The following METTL24 variants were observed in gnomAD, a reference collection of about 807,000 sequenced individuals.
The protein encoded by METTL24 is methyltransferase like 24, also known as probable methyltransferase-like protein 24.
METTL24 carries 29 observed loss-of-function variants against 32.7 expected under a neutral mutation model. The ratio of observed to expected loss-of-function variants is 0.89; its 90% CI spans 0.66 to 1.21. The LOEUF (loss-of-function observed/expected upper bound fraction) is 1.21. Among genes scored for constraint, METTL24 ranks in the 50% most tolerant of loss-of-function variants. The probability of loss-of-function intolerance (pLI) is 0.00; values close to 1 mark genes in which losing one functional copy is unlikely to be tolerated. For synonymous variants in METTL24, 163 were observed against 179.5 expected (o/e 0.91, Z 0.73); for missense variants, 439 against 468.1 (o/e 0.94, Z 0.57).
intron 4 of METTL24, among the ~76,000 whole-genome samples, chr6:110,283,065 CT>C: frequency 6.6e-6 from 1 of 152,106 alleles, no homozygotes; most frequent in East Asian, 1.9e-4. Context: ...TAAAATGCTA[CT>C]GATTTAAGCC....
At chr6:110,267,980 C>T (rs1350336673) in intron 4 of METTL24, among the ~76,000 whole-genome samples, 1 of 152,110 alleles carries the variant, frequency 6.6e-6, no homozygotes, top group African/African-American at 2.4e-5. Context: ...ATGAGGCATC[C>T]ACCCCCATGA....
At chr6:110,319,015 T>G (rs1335113347) in intron 2 of METTL24, among the ~76,000 whole-genome samples, 2 of 152,242 alleles carry the variant, frequency 1.3e-5, no homozygotes, top group East Asian at 3.8e-4. Context: ...TGAAATTTTT[T>G]TAATTATTTA....
Position 110,358,109 on chromosome 6 carries a change from C to A in METTL24, c.164G>T (p.Gly55Val), listed in dbSNP as rs1772736612. ...GCCCGGCGCGGGCGGCAGGTGCGGC[C>A]CAGGTGGCCGCCAGGCCGGGCCCGG... Reference protein sequence around the residue: ...APPGPAWRPPGPHLPPAPGQP... With the variant: ...APPGPAWRPPVPHLPPAPGQP... Residue 55 changes from glycine (G) to valine (V), a missense_variant, in exon 1 of 5, where the codon GGG becomes GTG. Coordinates refer to ENST00000338882, the MANE Select transcript of METTL24 (RefSeq NM_001123364.3). 9.7e-7 allele frequency: 1 copy of A among 1,029,638 alleles called. No homozygotes were observed. Among genetic ancestry groups the A allele is most frequent in the Non-Finnish European group, 1.2e-6 (1 of 860,224 alleles). The allele number at this position is 1,029,638 out of a possible 1,614,324, so 63.8% of individuals were successfully genotyped here. A position where few individuals can be genotyped will look rare whatever the true frequency, so the allele number is the denominator to read the frequency against.
chr6:110,297,540 A>G lies in METTL24; in HGVS notation c.786+1382T>C, dbSNP rs1417929941. On this transcript the variant is annotated intron_variant, in intron 4 of 4. Transcript: ENST00000338882. ...ACAGCAAGACTCCTAACTGAACACAAAGAATAAGTAGTTAACTCTTTGAAT... is the reference window on the plus strand; with the variant it reads ...ACAGCAAGACTCCTAACTGAACACAGAGAATAAGTAGTTAACTCTTTGAAT... 2.0e-5 allele frequency among the ~76,000 whole-genome samples: 3 copies of G among 152,172 alleles called. 1 individual carries two copies. Among genetic ancestry groups the G allele is most frequent in the African/African-American group, 7.2e-5 (3 of 41,432 alleles).
intron 3 of METTL24, among the ~76,000 whole-genome samples, chr6:110,302,502 T>C (rs202106897): frequency 1.3e-5 from 1 of 77,206 alleles, no homozygotes; most frequent in South Asian, 4.0e-4. Context: ...TGTGTATATA[T>C]ACACATATAC....
chr6:110,252,001 G>A (rs753158388), intron 4 of METTL24, among the ~76,000 whole-genome samples: 10 of 152,026 alleles, frequency 6.6e-5, no homozygotes, highest in Admixed American at 2.0e-4. Context: ...AAAATTAGCC[G>A]GGTGAGGTGG....
intron 4 of METTL24, among the ~76,000 whole-genome samples, chr6:110,271,579 T>A (rs1177183083): frequency 6.6e-6 from 1 of 152,186 alleles, no homozygotes; most frequent in African/African-American, 2.4e-5. Flanking sequence ...CACCCACACA[T>A]ACATTTGAAC....
chr6:110,339,699 GATGGTCT>G (rs1772314152), intron 1 of METTL24, among the ~76,000 whole-genome samples: 1 of 152,210 alleles, frequency 6.6e-6, no homozygotes, highest in Non-Finnish European at 1.5e-5. Context: ...AGTTAAAATA[GATGGTCT>G]ATGTATATGT....
chr6:110,264,342 A>G (rs1770812965), intron 4 of METTL24, among the ~76,000 whole-genome samples: 1 of 152,232 alleles, frequency 6.6e-6, no homozygotes, highest in Non-Finnish European at 1.5e-5. Flanking sequence ...AAAAGAAGAC[A>G]TTTATGCAGC....
intron 4 of METTL24, among the ~76,000 whole-genome samples, chr6:110,274,759 T>TAC (rs1360827621): frequency 6.6e-6 from 1 of 150,636 alleles, no homozygotes; most frequent in Non-Finnish European, 1.5e-5. Flanking sequence ...ACCCACATTT[T>TAC]ACATTTTGGT....
intron 4 of METTL24, among the ~76,000 whole-genome samples, chr6:110,275,120 A>T (rs1296166272): frequency 6.6e-6 from 1 of 151,202 alleles, no homozygotes; most frequent in Non-Finnish European, 1.5e-5. Flanking sequence ...ATTTTTAATG[A>T]CCTATGTCTA....
chr6:110,256,267 T>G (rs535091280), intron 4 of METTL24, among the ~76,000 whole-genome samples: 7 of 152,310 alleles, frequency 4.6e-5, no homozygotes, highest in African/African-American at 1.7e-4. Flanking sequence ...CACCTCAGAC[T>G]TTAGTATCAC....
intron 3 of METTL24, among the ~76,000 whole-genome samples, chr6:110,306,856 T>C (rs1771635647): frequency 6.6e-6 from 1 of 152,180 alleles, no homozygotes; most frequent in African/African-American, 2.4e-5. Flanking sequence ...ACGTGCTCTC[T>C]ATATGCCACC....
rs564776202 is a variant in METTL24, at chr6:110,270,776, T to C, written c.787-24516A>G. On this transcript the variant is annotated intron_variant, in intron 4 of 4. Coordinates refer to ENST00000338882, the MANE Select transcript of METTL24 (RefSeq NM_001123364.3). ...CCATAAATGTCTTAAAAGAGACAAA[T>C]GAGTTCTAATTGTCTTGTCTTACAT... Among the ~76,000 whole-genome samples the C allele has an allele frequency of 2.2e-4, 34 of 152,074 alleles. 1 individual carries two copies. Among genetic ancestry groups the C allele is most frequent in the African/African-American group, 7.2e-4 (30 of 41,488 alleles).
At chr6:110,340,546 C>T (rs1333872225) in intron 1 of METTL24, among the ~76,000 whole-genome samples, 2 of 152,082 alleles carry the variant, frequency 1.3e-5, no homozygotes, top group East Asian at 1.9e-4. Flanking sequence ...CTCCTATGGC[C>T]GATTCTGACC....
At chr6:110,353,939 GA>G (rs923216646) in intron 1 of METTL24, among the ~76,000 whole-genome samples, 2 of 151,404 alleles carry the variant, frequency 1.3e-5, no homozygotes, top group Non-Finnish European at 1.5e-5. Flanking sequence ...ATTTAAGAAA[GA>G]AAAAAAACCC....
intron 3 of METTL24, among the ~76,000 whole-genome samples, chr6:110,312,663 G>A (rs117668491): frequency 7.2e-5 from 11 of 152,314 alleles, no homozygotes; most frequent in Non-Finnish European, 1.2e-4. Flanking sequence ...CATGGAGGTA[G>A]AGAGAGTAGA....
intron 1 of METTL24, among the ~76,000 whole-genome samples, chr6:110,331,339 A>G (rs1772106193): frequency 6.7e-6 from 1 of 150,126 alleles, no homozygotes; most frequent in Non-Finnish European, 1.5e-5. Context: ...GGAAGAAAGA[A>G]TGCAGTGCAG....
intron 4 of METTL24, among the ~76,000 whole-genome samples, chr6:110,262,782 G>A (rs772706475): frequency 5.3e-5 from 8 of 152,060 alleles, no homozygotes; most frequent in South Asian, 2.1e-4. Flanking sequence ...TGATCAAGTG[G>A]GCTTCATCCC....
Sources: allele counts gnomAD v4.1 joint callset (sites outside exome capture counted in the v4.1 genomes callset), GRCh38; gene constraint gnomAD v4.1.1; transcripts MANE v1.5; gene names NCBI Gene and HGNC (gene_info 2026-07-23, HGNC 2026-07-21).